MYO16: variants seen among roughly 807,000 people sequenced by gnomAD.
The protein encoded by MYO16 is unconventional myosin-XVI.
A neutral mutation model predicts 205.3 loss-of-function variants in MYO16; 94 were observed. The ratio of observed to expected loss-of-function variants is 0.46; its 90% CI spans 0.39 to 0.54. The LOEUF is 0.54. Ranked by LOEUF, MYO16 falls within the 20% of genes least tolerant of loss-of-function variation. The pLI, the probability that MYO16 is intolerant of heterozygous loss-of-function variation, is 0.00. For synonymous variants in MYO16, 988 were observed against 954.0 expected (o/e 1.04, Z -0.66); for missense variants, 2,315 against 2,387.5 (o/e 0.97, Z 0.63).
At position 108,887,029 on chromosome 13, in the gene MYO16, T is replaced by C. The variant is rs368952356; in HGVS notation, c.1554-1343T>C. The stretch of plus-strand genomic sequence containing the variant: ...AAAATTAGCCATTTGAAATTCAACT[T>C]AATAAGTTGTTAACGGATCATTATT... On this transcript the variant is annotated intron_variant, in intron 13 of 34. Transcript: ENST00000457511. Among the ~76,000 whole-genome samples, 17 of 152,274 alleles carry C rather than the reference T, an allele frequency of 1.1e-4. No homozygotes were observed. In the East Asian group the frequency reaches 3.3e-3, roughly 29 times the overall value.
At chr13:108,957,657 C>T (rs375003086) in intron 16 of MYO16, 31 bp from the exon 17 acceptor site, 127 of 1,483,162 alleles carry the variant, frequency 8.6e-5, no homozygotes, top group Admixed American at 4.9e-4. Flanking sequence ...GGAAGCCAGG[C>T]GATAACGTTA....
the MYO16 span, among the ~76,000 whole-genome samples, chr13:108,531,273 T>C: frequency 1.3e-5 from 2 of 152,162 alleles, no homozygotes; most frequent in African/African-American, 4.8e-5. Flanking sequence ...CTTGAAGGGT[T>C]TTACACATAA....
intron 32 of MYO16, among the ~76,000 whole-genome samples, chr13:109,142,657 T>G (rs770943101): frequency 1.3e-4 from 20 of 152,136 alleles, no homozygotes; most frequent in Non-Finnish European, 2.6e-4. Context: ...CCTTAGCCTC[T>G]GTTCCATTGC....
At chr13:108,700,116 T>A (rs184040013) in intron 2 of MYO16, among the ~76,000 whole-genome samples, 269 of 152,122 alleles carry the variant, frequency 1.8e-3, no homozygotes, top group African/African-American at 6.3e-3. Flanking sequence ...GTGGATCACT[T>A]GAGGCCAGGA....
intron 2 of MYO16, among the ~76,000 whole-genome samples, chr13:108,668,423 A>C (rs1881834825): frequency 6.6e-6 from 1 of 152,188 alleles, no homozygotes; most frequent in African/African-American, 2.4e-5. Flanking sequence ...TTGATTTTCT[A>C]TTGCTACCAA....
intron 4 of MYO16, among the ~76,000 whole-genome samples, chr13:108,774,836 C>T (rs772859002): frequency 1.3e-5 from 2 of 152,178 alleles, no homozygotes; most frequent in African/African-American, 4.8e-5. Context: ...TGTTCTCTTA[C>T]ATCATGAGAA....
rs758195501 is a variant in MYO16 at position 109,127,272 on chromosome 13, TC to T, written c.3783-5del. 2.4e-4 allele frequency: 368 copies of T among 1,557,926 alleles called. No individual in the cohort carries two copies. Among genetic ancestry groups the T allele is most frequent in the Non-Finnish European group, 3.1e-4 (357 of 1,147,152 alleles). Reference sequence around the variant, plus strand: ...GGCGTGGTGCTGTTTGTGTTTTGTTTCCCCCTAAGAACCGATGACAAGAGTG... The same window carrying T: ...GGCGTGGTGCTGTTTGTGTTTTGTTTCCCCTAAGAACCGATGACAAGAGTG... On this transcript the variant is annotated splice_polypyrimidine_tract_variant and intron_variant, in intron 30 of 34. Transcript: ENST00000457511. This position sits in a 1 kb window ranked among gnomAD's most constrained non-coding sequence, Gnocchi z 4.2.
intron 11 of MYO16, 82 bp downstream of exon 11, chr13:108,855,635 A>G (rs1329837790): frequency 4.7e-5 from 44 of 940,868 alleles, no homozygotes; most frequent in Non-Finnish European, 6.8e-5. Flanking sequence ...CAAATGTTGC[A>G]AGTAAAGGGC....
intron 1 of MYO16, among the ~76,000 whole-genome samples, chr13:108,665,659 C>T (rs976022823): frequency 2.0e-5 from 3 of 152,162 alleles, no homozygotes; most frequent in Non-Finnish European, 4.4e-5. Context: ...ACTACATATG[C>T]ATGTCTAATT....
At chr13:108,925,561 C>A (rs1881960510) in intron 16 of MYO16, among the ~76,000 whole-genome samples, 2 of 152,250 alleles carry the variant, frequency 1.3e-5, no homozygotes, top group South Asian at 2.1e-4. Context: ...ACCTAAAGAA[C>A]CTGGTTCCCC....
chr13:108,960,630 G>C (rs1054046242), intron 17 of MYO16, among the ~76,000 whole-genome samples: 1 of 152,152 alleles, frequency 6.6e-6, no homozygotes, highest in Admixed American at 6.5e-5. Context: ...CAGTAGTTAG[G>C]GAAGGAGTTT....
intron 16 of MYO16, among the ~76,000 whole-genome samples, chr13:108,953,829 G>A (rs1883246309): frequency 6.6e-6 from 1 of 152,134 alleles, no homozygotes; most frequent in Non-Finnish European, 1.5e-5. Flanking sequence ...CTTTTGAATA[G>A]TGGGAGAAGT....
chr13:108,847,387 C>G (rs910195418), intron 10 of MYO16, among the ~76,000 whole-genome samples: 7 of 152,168 alleles, frequency 4.6e-5, no homozygotes, highest in African/African-American at 1.7e-4. Context: ...TGGTATCCAT[C>G]ATGTTCTCAT....
In MYO16 at chr13:109,127,272, T is replaced by C. The variant is rs750132438; in HGVS notation, c.3783-10T>C. The C allele has an allele frequency of 8.3e-6, 13 of 1,557,926 alleles. No homozygotes were observed. Among genetic ancestry groups the C allele is most frequent in the Non-Finnish European group, 1.1e-5 (13 of 1,147,152 alleles). On this transcript the variant is annotated splice_polypyrimidine_tract_variant and intron_variant, in intron 30 of 34. Transcript: ENST00000457511. This position sits in a 1 kb window ranked among gnomAD's most constrained non-coding sequence, Gnocchi z 4.2. Reference sequence around the variant, plus strand: ...GGCGTGGTGCTGTTTGTGTTTTGTTTCCCCCTAAGAACCGATGACAAGAGT... The same window carrying C: ...GGCGTGGTGCTGTTTGTGTTTTGTTCCCCCCTAAGAACCGATGACAAGAGT...
intron 2 of MYO16, among the ~76,000 whole-genome samples, chr13:108,669,366 A>G (rs1278903807): frequency 1.3e-5 from 2 of 152,122 alleles, no homozygotes; most frequent in African/African-American, 2.4e-5. Context: ...AAGAATTTTA[A>G]TGGATTAGGT....
chr13:108,738,297 C>T (rs1410985780), intron 4 of MYO16, among the ~76,000 whole-genome samples: 1 of 152,202 alleles, frequency 6.6e-6, no homozygotes, highest in Non-Finnish European at 1.5e-5. Flanking sequence ...CCTCTACACG[C>T]TGCTTTAAAT....
chr13:109,082,595 G>A (rs1387986412), intron 27 of MYO16, among the ~76,000 whole-genome samples: 1 of 152,080 alleles, frequency 6.6e-6, no homozygotes, highest in African/African-American at 2.4e-5. Context: ...AGCACTTTGG[G>A]AGACTAAGGC....
chr13:109,062,886 A>G (rs532321965), intron 27 of MYO16, among the ~76,000 whole-genome samples: 1 of 152,266 alleles, frequency 6.6e-6, no homozygotes, highest in African/African-American at 2.4e-5. Flanking sequence ...TAAAGAATGT[A>G]TTATCCCTAT....
chr13:109,016,564 A>G (rs1481102616), intron 22 of MYO16, among the ~76,000 whole-genome samples: 1 of 152,084 alleles, frequency 6.6e-6, no homozygotes, highest in Non-Finnish European at 1.5e-5. Context: ...TGGGGTGTTA[A>G]AGTCTCCCGT....
Sources: gnomAD v4.1 joint callset for allele counts (sites outside exome capture counted in the v4.1 genomes callset) on GRCh38, gnomAD v4.1.1 for gene constraint, Gnocchi (gnomAD v3.1) non-coding constraint, MANE v1.5 for transcripts, NCBI Gene and HGNC (gene_info 2026-07-23, HGNC 2026-07-21) for gene names.